Variants in CUBN observed in about 807,000 individuals in gnomAD.
CUBN encodes cubilin.
In CUBN, 282 loss-of-function variants were observed where a neutral mutation model predicts 405.3. That is an observed-to-expected ratio of 0.70 (90% CI 0.63 to 0.77). The LOEUF is 0.77. Among genes scored for constraint, CUBN ranks in the 30% least tolerant of loss-of-function variants. The pLI is 0.00. For missense variants in CUBN, 4,514 were observed against 4,475.2 expected, an observed-to-expected ratio of 1.01 and a Z score of -0.25; for synonymous variants, 1,684 against 1,617.0, an observed-to-expected ratio of 1.04 and a Z score of -0.99.
At chr10:16,907,344 T>C (rs114695024) in intron 49 of CUBN, among the ~76,000 whole-genome samples, 164 bp downstream of exon 49, 257 of 152,344 alleles carry the variant, frequency 1.7e-3, no homozygotes, top group African/African-American at 5.8e-3. Context: ...GCTTTTTTTC[T>C]GTCTGCAGTG....
intron 38 of CUBN, 52 bp from the exon 39 acceptor site, chr10:16,937,836 TA>T (rs778215275): frequency 6.6e-7 from 1 of 1,511,292 alleles, no homozygotes; most frequent in African/African-American, 1.4e-5. Flanking sequence ...TTTTTCTTCA[TA>T]AAAAGATAAA....
rs1198430326 is a variant in CUBN, at chr10:17,028,935, T to G, written c.4018-8952A>C. ...ATTTAGCATTTTGCTCAATGCATGCTTATTCATACCATGAGCCTGTCTGAT... is the reference window on the plus strand; with the variant it reads ...ATTTAGCATTTTGCTCAATGCATGCGTATTCATACCATGAGCCTGTCTGAT... On this transcript the variant is annotated intron_variant, in intron 27 of 66. Coordinates refer to ENST00000377833, the MANE Select transcript of CUBN (RefSeq NM_001081.4). 2.0e-5 allele frequency among the ~76,000 whole-genome samples: 3 copies of G among 152,204 alleles called. No homozygotes were observed. The East Asian group carries it at 5.8e-4, about 29-fold the overall frequency.
At chr10:17,019,744 G>A (rs2131782272) in intron 28 of CUBN, 89 bp downstream of exon 28, 4 of 1,469,120 alleles carry the variant, frequency 2.7e-6, no homozygotes, top group Middle Eastern at 3.5e-4. Flanking sequence ...ATTTGTTCAT[G>A]GTATTGTTTC....
In CUBN at chr10:16,916,013, C is replaced by G; in HGVS notation, c.7018G>C (p.Val2340Leu). The change falls in exon 46 of 67, where the codon GTA becomes CTA. Residue 2340 changes from valine to leucine, a missense_variant. By Grantham distance (32) the Val-to-Leu change is conservative (BLOSUM62 1). Coordinates refer to ENST00000377833, the MANE Select transcript of CUBN (RefSeq NM_001081.4). ...TCAACAACACCACTTTGCCCTGGTA[C>G]TCTTCCCCCACACTGAGCTGCAAAA... ...KYSIAQCGGR[V>L]PGQSGVVESI... 6.2e-7 allele frequency: 1 copy of G among 1,614,028 alleles called. No individual in the cohort carries two copies. Among genetic ancestry groups the G allele is most frequent in the South Asian group, 1.1e-5 (1 of 91,078 alleles).
intron 38 of CUBN, 116 bp downstream of exon 38, chr10:16,938,847 T>C: frequency 1.1e-6 from 1 of 894,520 alleles, no homozygotes; most frequent in Non-Finnish European, 1.8e-6. Flanking sequence ...AAACATGATT[T>C]AGAGCAGACT....
intron 31 of CUBN, among the ~76,000 whole-genome samples, chr10:16,955,466 G>A (rs1843034094): frequency 6.6e-6 from 1 of 151,712 alleles, no homozygotes; most frequent in Non-Finnish European, 1.5e-5. Flanking sequence ...GCCATGCTGG[G>A]ACCTAGCTGA....
chr10:16,841,769 C>T (rs547940958), intron 60 of CUBN, among the ~76,000 whole-genome samples: 12 of 152,060 alleles, frequency 7.9e-5, no homozygotes, highest in African/African-American at 1.7e-4. Flanking sequence ...CCAACTCGGC[C>T]GGGCGTGGTG....
chr10:17,078,737 A>G (rs536722782), intron 17 of CUBN, among the ~76,000 whole-genome samples: 3 of 152,328 alleles, frequency 2.0e-5, no homozygotes, highest in African/African-American at 7.2e-5. Context: ...GCTGTGGCTT[A>G]CAGGTATCTT....
At chr10:16,972,965 G>A (rs1310066012) in intron 31 of CUBN, among the ~76,000 whole-genome samples, 1 of 152,062 alleles carries the variant, frequency 6.6e-6, no homozygotes, top group Non-Finnish European at 1.5e-5. Context: ...TCTCTGCCAA[G>A]CCATTCTTCA....
At chr10:16,952,189 C>T (rs1323170806) in intron 33 of CUBN, 87 bp downstream of exon 33, 4 of 909,732 alleles carry the variant, frequency 4.4e-6, no homozygotes, top group East Asian at 4.9e-5. Context: ...ATTGTTAGCA[C>T]TGAGATAAGA....
intron 28 of CUBN, among the ~76,000 whole-genome samples, chr10:17,007,271 T>G (rs915694876): frequency 6.6e-6 from 1 of 151,102 alleles, no homozygotes; most frequent in African/African-American, 2.4e-5. Context: ...ATGAACCGAT[T>G]AGAGACAGGG....
intron 43 of CUBN, among the ~76,000 whole-genome samples, chr10:16,921,677 G>A (rs1277799132): frequency 5.3e-5 from 8 of 152,164 alleles, no homozygotes; most frequent in African/African-American, 1.7e-4. Context: ...GCCCTTGGGC[G>A]CATCTCTCCA....
intron 2 of CUBN, among the ~76,000 whole-genome samples, chr10:17,128,855 T>C (rs1175147766): frequency 6.6e-6 from 1 of 152,198 alleles, no homozygotes; most frequent in Non-Finnish European, 1.5e-5. Flanking sequence ...GTGACTATAG[T>C]TAACATTAAT....
intron 24 of CUBN, among the ~76,000 whole-genome samples, chr10:17,045,648 G>C (rs1490447354): frequency 3.3e-5 from 5 of 152,024 alleles, no homozygotes; most frequent in African/African-American, 1.2e-4. Flanking sequence ...GCCTCCCAAA[G>C]TGTTTGTGAG....
intron 64 of CUBN, 57 bp from the exon 65 acceptor site, chr10:16,831,474 A>G: frequency 7.1e-7 from 1 of 1,409,240 alleles, no homozygotes; most frequent in Non-Finnish European, 1.0e-6. Context: ...AGGTATATAC[A>G]TTAAAATGGA....
chr10:16,878,848 T>C (rs12257605), intron 56 of CUBN, among the ~76,000 whole-genome samples: 2,156 of 152,336 alleles, frequency 0.014, 61 homozygotes, highest in African/African-American at 0.049. Context: ...TTCTTTCACT[T>C]AATATAATGT....
At chr10:17,087,460 A>ATTTCTCTTTTTTTTTTT (rs1836138165) in intron 15 of CUBN, among the ~76,000 whole-genome samples, 1 of 99,098 alleles carries the variant, frequency 1.0e-5, no homozygotes, top group Non-Finnish European at 2.0e-5. Flanking sequence ...AATCACTATT[A>ATTTCTCTTTTTTTTTTT]TTTTTCTTTT....
chr10:17,047,521 G>A lies in CUBN; in HGVS notation c.3222C>T (p.Cys1074=), dbSNP rs146001133. ...FPNNYPNNWE[C]IYRITVRTGQ... ...CAGTTCTCACTGTGATCCGATAAAT[G>A]CATTCCCAGTTGTTGGGATAATTAT... Residue 1074 remains cysteine, a synonymous_variant, in exon 23 of 67, where the codon TGC becomes TGT. Coordinates refer to ENST00000377833, the MANE Select transcript of CUBN (RefSeq NM_001081.4). 1.2e-5 allele frequency: 19 copies of A among 1,613,420 alleles called. No homozygotes were observed. The African/African-American group carries it at 2.0e-4, about 17-fold the overall frequency.
intron 5 of CUBN, 123 bp downstream of exon 5, chr10:17,123,465 T>C: frequency 2.5e-6 from 2 of 804,910 alleles, no homozygotes; most frequent in South Asian, 1.5e-5. Flanking sequence ...TATATTTCAA[T>C]TTGATTTGGG....
Sources: allele counts gnomAD v4.1 joint callset (sites outside exome capture counted in the v4.1 genomes callset), GRCh38; gene constraint gnomAD v4.1.1; transcripts MANE v1.5; gene names NCBI Gene and HGNC (gene_info 2026-07-23, HGNC 2026-07-21).